ADGRD1: variants seen among roughly 807,000 people sequenced by gnomAD.
ADGRD1 encodes the protein adhesion G protein-coupled receptor D1.
ADGRD1 carries 77 observed loss-of-function variants against 113.4 expected under a neutral mutation model. The observed-to-expected ratio is 0.68, with a 90% CI of 0.57 to 0.82. ADGRD1 has a LOEUF of 0.82. Ranked by LOEUF, ADGRD1 falls within the 40% of genes least tolerant of loss-of-function variation. ADGRD1 has a pLI of 0.00. For missense variants in ADGRD1, 1,036 were observed against 1,139.1 expected, an observed-to-expected ratio of 0.91 and a Z score of 1.30; for synonymous variants, 474 against 475.0, an observed-to-expected ratio of 1.00 and a Z score of 0.03.
At chr12:130,996,490 C>T (rs1320875318) in intron 8 of ADGRD1, among the ~76,000 whole-genome samples, 1 of 117,248 alleles carries the variant, frequency 8.5e-6, no homozygotes, top group Non-Finnish European at 1.9e-5. Context: ...CGGGCAGAGG[C>T]GCCCCTCACC....
intron 2 of ADGRD1, among the ~76,000 whole-genome samples, chr12:130,961,905 C>T (rs1593258544): frequency 6.6e-6 from 1 of 152,154 alleles, no homozygotes; most frequent in Non-Finnish European, 1.5e-5. Flanking sequence ...CCTGCAGAGC[C>T]GCAATGCTTC....
chr12:131,106,793 C>T (rs1950242517), intron 17 of ADGRD1, among the ~76,000 whole-genome samples: 1 of 152,168 alleles, frequency 6.6e-6, no homozygotes, highest in Non-Finnish European at 1.5e-5. Flanking sequence ...GACTCGGGAG[C>T]ATCTGAGAAG....
intron 3 of ADGRD1, chr12:130,968,708 A>G: frequency 4.2e-6 from 2 of 474,362 alleles, no homozygotes; most frequent in Non-Finnish European, 7.5e-6. Context: ...TTGGAGCCAG[A>G]AAATTAGAAC....
intron 2 of ADGRD1, chr12:130,962,546 TATCCTAG>T (rs1313661261): frequency 1.3e-5 from 2 of 152,326 alleles, no homozygotes; most frequent in Non-Finnish European, 2.9e-5. Flanking sequence ...TCAAAATGAA[TATCCTAG>T]ACTTTAGGGG....
Position 130,971,657 on chromosome 12 carries a change from G to C in ADGRD1, c.310+77G>C, listed in dbSNP as rs937682180. 6.8e-7 allele frequency: 1 copy of C among 1,462,144 alleles called. No individual in the cohort carries two copies. The highest frequency in any genetic ancestry group is 1.4e-5 in the African/African-American group (1 of 70,398). 90.6% of individuals were successfully genotyped at this position (1,462,144 alleles called of 1,614,324 possible). ...GCACCTGCTCCTCTGGTGACTGGAA[G>C]ATGTGAACCTGAGGTTCTCATCAAT... On this transcript the variant is annotated intron_variant, in intron 4 of 24. Transcript: ENST00000261654. This position sits in a 1 kb window ranked among gnomAD's most constrained non-coding sequence, Gnocchi z 4.2.
At position 131,036,687 on chromosome 12, in the gene ADGRD1, TCA is replaced by T. The variant is rs1250054313; in HGVS notation, c.1473+22349_1473+22350del. Reference sequence around the variant, plus strand: ...GGGGCCTCACTCAGTACACCGGGCCTCACTCACTGCACCGGGCCTCACTCACC... The same window carrying T: ...GGGGCCTCACTCAGTACACCGGGCCTCTCACTGCACCGGGCCTCACTCACC... On this transcript the variant is annotated intron_variant, in intron 13 of 24. Coordinates refer to ENST00000261654, the MANE Select transcript of ADGRD1 (RefSeq NM_198827.5). 5.5e-5 allele frequency among the ~76,000 whole-genome samples: 8 copies of T among 144,558 alleles called. No homozygotes were observed. In the South Asian group the frequency reaches 9.1e-4, roughly 16 times the overall value. The allele number at this position is 144,558 out of a possible 152,430, so 94.8% of individuals were successfully genotyped here.
chr12:130,976,591 C>T (rs1364412476), intron 4 of ADGRD1, among the ~76,000 whole-genome samples: 3 of 152,160 alleles, frequency 2.0e-5, no homozygotes, highest in South Asian at 2.1e-4. Context: ...TGGTGGGCGC[C>T]GTGTTGATCT....
At chr12:131,045,526 C>A (rs1882607160) in intron 13 of ADGRD1, among the ~76,000 whole-genome samples, 1 of 152,100 alleles carries the variant, frequency 6.6e-6, no homozygotes, top group African/African-American at 2.4e-5. Context: ...CCCCCGCCTC[C>A]CTGCCCGGGC....
chr12:130,967,941 C>A (rs77099123), intron 3 of ADGRD1: 5 of 152,210 alleles, frequency 3.3e-5, no homozygotes, highest in African/African-American at 1.2e-4. Context: ...CGGGTTCAAA[C>A]GAACCACGTT....
In ADGRD1 at chr12:131,060,672, C is replaced by G. The variant is rs1397591590; in HGVS notation, c.1474-16129C>G. On this transcript the variant is annotated intron_variant, in intron 13 of 24. Transcript: ENST00000261654. This position sits in a 1 kb window ranked among gnomAD's most constrained non-coding sequence, Gnocchi z 4.4. ...TGTCCAACAACATCAGAGTCAGTTA[C>G]CCCTGCCTGTGACACCTGATGGTTC... Among the ~76,000 whole-genome samples, 1 of 152,222 alleles carries G rather than the reference C, an allele frequency of 6.6e-6. No homozygotes were observed. Among genetic ancestry groups the G allele is most frequent in the African/African-American group, 2.4e-5 (1 of 41,448 alleles).
At chr12:130,990,896 C>T in intron 6 of ADGRD1, 118 bp from the exon 7 acceptor site, 1 of 714,636 alleles carries the variant, frequency 1.4e-6, no homozygotes, top group South Asian at 1.9e-5. Flanking sequence ...CTACTCAAAA[C>T]ATTCTCAGAC....
chr12:131,131,337 G>A (rs58012589), intron 20 of ADGRD1, among the ~76,000 whole-genome samples: 5,844 of 152,296 alleles, frequency 0.038, 368 homozygotes, highest in African/African-American at 0.13. Flanking sequence ...TTGAGCAGTC[G>A]TTTGCACAGT....
intron 15 of ADGRD1, among the ~76,000 whole-genome samples, chr12:131,088,495 G>A (rs896527459): frequency 6.6e-6 from 1 of 152,250 alleles, no homozygotes; most frequent in African/African-American, 2.4e-5. Flanking sequence ...CTGAGAAGGT[G>A]GCGGTGGATT....
At chr12:131,036,220 C>T (rs1013498746) in intron 13 of ADGRD1, among the ~76,000 whole-genome samples, 1 of 151,902 alleles carries the variant, frequency 6.6e-6, no homozygotes, top group African/African-American at 2.4e-5. Flanking sequence ...AACCACTGCA[C>T]CGGGTCTTAC....
chr12:131,057,610 TC>T lies in ADGRD1; in HGVS notation c.1474-19189del, dbSNP rs1883989690. Among the ~76,000 whole-genome samples the T allele has an allele frequency of 6.6e-6, 1 of 152,164 alleles. No homozygotes were observed. ...GCCCCGTCTCCCCACGGCCTCCTCTTCCGTGTGTCATTGTCCTTTCCCGCAG... is the reference window on the plus strand; with the variant it reads ...GCCCCGTCTCCCCACGGCCTCCTCTTCGTGTGTCATTGTCCTTTCCCGCAG... On this transcript the variant is annotated intron_variant, in intron 13 of 24. Coordinates refer to ENST00000261654, the MANE Select transcript of ADGRD1 (RefSeq NM_198827.5). The surrounding 1 kb of genome is among the most constrained non-coding windows in gnomAD (Gnocchi z 4.2).
At chr12:131,007,870 A>G (rs1421191532) in intron 12 of ADGRD1, among the ~76,000 whole-genome samples, 1 of 139,346 alleles carries the variant, frequency 7.2e-6, no homozygotes, top group East Asian at 2.4e-4. Flanking sequence ...ATGCCTTGTC[A>G]TCAAAATTCA....
intron 4 of ADGRD1, chr12:130,973,252 G>A (rs1871907284): frequency 2.6e-5 from 4 of 152,384 alleles, no homozygotes; most frequent in Middle Eastern, 3.4e-3. Context: ...GGGCCAGAAG[G>A]CGTGGGTTCC....
chr12:131,094,075 GC>G (rs1198550222), intron 15 of ADGRD1, among the ~76,000 whole-genome samples: 1 of 146,230 alleles, frequency 6.8e-6, no homozygotes. Flanking sequence ...TCGGCACCCA[GC>G]CCTGAGCACC....
At chr12:131,093,997 C>CCTCAGCACCCAGA (rs1887099330) in intron 15 of ADGRD1, among the ~76,000 whole-genome samples, 1 of 76,972 alleles carries the variant, frequency 1.3e-5, no homozygotes, top group Non-Finnish European at 2.9e-5. Context: ...CAGCACCCAG[C>CCTCAGCACCCAGA]CCTGAGCACC....
Sources: allele counts gnomAD v4.1 joint callset (sites outside exome capture counted in the v4.1 genomes callset), GRCh38; gene constraint gnomAD v4.1.1; non-coding constraint Gnocchi (gnomAD v3.1); transcripts MANE v1.5; gene names NCBI Gene and HGNC (gene_info 2026-07-23, HGNC 2026-07-21).